MRPS6: variants seen among roughly 807,000 people sequenced by gnomAD.
The protein encoded by MRPS6 is small ribosomal subunit protein bS6m.
Under a neutral mutation model 13.1 loss-of-function variants are expected in MRPS6, and 6 were observed. The ratio of observed to expected loss-of-function variants is 0.46; its 90% CI spans 0.25 to 0.91. MRPS6 has a LOEUF of 0.91. Ranked by LOEUF, MRPS6 falls within the 40% of genes least tolerant of loss-of-function variation. The probability of loss-of-function intolerance (pLI) is 0.18; values close to 1 mark genes in which losing one functional copy is unlikely to be tolerated. For synonymous variants in MRPS6, 61 were observed against 56.5 expected, an observed-to-expected ratio of 1.08 and a Z score of -0.36; for missense variants, 164 against 155.6, an observed-to-expected ratio of 1.05 and a Z score of -0.29.
chr21:34,112,369 C>T (rs543307793), intron 1 of MRPS6, among the ~76,000 whole-genome samples: 5 of 152,226 alleles, frequency 3.3e-5, no homozygotes, highest in South Asian at 2.1e-4. Context: ...GGAATGCGAG[C>T]GATACCTATG....
intron 1 of MRPS6, among the ~76,000 whole-genome samples, chr21:34,076,043 C>T (rs972392810): frequency 6.6e-6 from 1 of 152,160 alleles, no homozygotes; most frequent in Non-Finnish European, 1.5e-5. Flanking sequence ...TAAGTGTATA[C>T]CTCTTTACCC....
intron 1 of MRPS6, among the ~76,000 whole-genome samples, chr21:34,092,182 A>C (rs770403192): frequency 6.6e-6 from 1 of 152,126 alleles, no homozygotes; most frequent in Non-Finnish European, 1.5e-5. Flanking sequence ...AATGTAGTTT[A>C]TCTCTTGAAA....
At chr21:34,117,129 A>G (rs142310824) in intron 1 of MRPS6, among the ~76,000 whole-genome samples, 21 of 152,322 alleles carry the variant, frequency 1.4e-4, no homozygotes, top group East Asian at 1.9e-4. Context: ...ATTTTTACCA[A>G]TAGTGTAGGT....
intron 1 of MRPS6, chr21:34,124,489 T>A (rs540914174): frequency 6.6e-6 from 1 of 152,112 alleles, no homozygotes; most frequent in South Asian, 2.1e-4. Context: ...GATTCTATAT[T>A]GTTCAAGCTT....
intron 1 of MRPS6, among the ~76,000 whole-genome samples, chr21:34,074,147 C>T (rs983114669): frequency 1.3e-5 from 2 of 149,048 alleles, no homozygotes; most frequent in Non-Finnish European, 3.0e-5. Flanking sequence ...CGTGAAGCTG[C>T]CTCGTCGCCG....
At chr21:34,107,042 G>A (rs767321169) in intron 1 of MRPS6, among the ~76,000 whole-genome samples, 3 of 151,928 alleles carry the variant, frequency 2.0e-5, no homozygotes, top group Non-Finnish European at 2.9e-5. Context: ...AGCAATTCTC[G>A]TGCCTCAACC....
chr21:34,122,732 T>C (rs1366266405), intron 1 of MRPS6: 1 of 151,866 alleles, frequency 6.6e-6, no homozygotes, highest in African/African-American at 2.4e-5. Context: ...TTTTTTTGAG[T>C]GCAAAGCTGA....
At chr21:34,124,440 A>C (rs967449904) in intron 1 of MRPS6, 1 of 152,152 alleles carries the variant, frequency 6.6e-6, no homozygotes, top group African/African-American at 2.4e-5. Flanking sequence ...AATTCACCAG[A>C]AAGTTTAATT....
chr21:34,078,998 A>G (rs1044659059), intron 1 of MRPS6, among the ~76,000 whole-genome samples: 1 of 152,222 alleles, frequency 6.6e-6, no homozygotes, highest in African/African-American at 2.4e-5. Flanking sequence ...ATGTCTGGTA[A>G]GTTATCAATT....
At chr21:34,099,292 G>A (rs1979122270) in intron 1 of MRPS6, 1 of 1,000,084 alleles carries the variant, frequency 1.0e-6, no homozygotes, top group African/African-American at 1.7e-5. Context: ...ACATGTCCAA[G>A]GTTATGAAGT....
intron 2 of MRPS6, among the ~76,000 whole-genome samples, chr21:34,133,660 C>T (rs1602965924): frequency 6.6e-6 from 1 of 152,270 alleles, no homozygotes; most frequent in Middle Eastern, 3.4e-3. Context: ...GTCTGGGTTA[C>T]TTGATGGCCA....
At chr21:34,075,179 A>T (rs760037637) in intron 1 of MRPS6, among the ~76,000 whole-genome samples, 10 of 152,232 alleles carry the variant, frequency 6.6e-5, no homozygotes, top group Non-Finnish European at 1.5e-4. Flanking sequence ...GTTTTAGGGA[A>T]TGTGGAACCT....
At chr21:34,112,428 A>G (rs929807935) in intron 1 of MRPS6, among the ~76,000 whole-genome samples, 5 of 152,198 alleles carry the variant, frequency 3.3e-5, no homozygotes, top group Admixed American at 6.5e-5. Flanking sequence ...GATCTTTTCA[A>G]AAAAACAGTT....
intron 1 of MRPS6, chr21:34,099,328 G>A (rs1979124549): frequency 1.0e-6 from 1 of 1,000,056 alleles, no homozygotes; most frequent in African/African-American, 1.7e-5. Context: ...CAGAAACCAG[G>A]TCTCCAAATC....
At chr21:34,105,203 A>G in intron 1 of MRPS6, 1 of 1,000,300 alleles carries the variant, frequency 1.0e-6, no homozygotes, top group Non-Finnish European at 1.2e-6. Context: ...GAGTTCAGAA[A>G]TAGAGCAGGG....
intron 1 of MRPS6, chr21:34,097,511 T>G (rs1979022482): frequency 7.1e-7 from 1 of 1,400,810 alleles, no homozygotes; most frequent in Non-Finnish European, 9.3e-7. Flanking sequence ...GACTTTATTT[T>G]CCCAGAGATG....
At position 34,096,533 on chromosome 21, in the gene MRPS6, A is replaced by G; in HGVS notation, c.45+22788A>G. On this transcript the variant is annotated intron_variant, in intron 1 of 2. Transcript: ENST00000399312. This position sits in a 1 kb window ranked among gnomAD's most constrained non-coding sequence, Gnocchi z 5.9. ...TGTACCTTTACATTCAGGAGGTAGCAGATTACCTGACACCCCCAGTGGCAG... is the reference window on the plus strand; with the variant it reads ...TGTACCTTTACATTCAGGAGGTAGCGGATTACCTGACACCCCCAGTGGCAG... 6.2e-7 allele frequency: 1 copy of G among 1,614,174 alleles called. No individual in the cohort carries two copies. Among genetic ancestry groups the G allele is most frequent in the Middle Eastern group, 1.6e-4 (1 of 6,062 alleles).
At chr21:34,074,897 A>G (rs1359237113) in intron 1 of MRPS6, among the ~76,000 whole-genome samples, 1 of 152,172 alleles carries the variant, frequency 6.6e-6, no homozygotes, top group Admixed American at 6.5e-5. Flanking sequence ...TGTGCTTTGC[A>G]TATTGTTAAC....
At chr21:34,083,531 T>C (rs1242090239) in intron 1 of MRPS6, among the ~76,000 whole-genome samples, 1 of 152,226 alleles carries the variant, frequency 6.6e-6, no homozygotes, top group Non-Finnish European at 1.5e-5. Flanking sequence ...GGTTTTGTTT[T>C]TTAACTGCTT....
Sources: gnomAD v4.1 joint callset for allele counts (sites outside exome capture counted in the v4.1 genomes callset) on GRCh38, gnomAD v4.1.1 for gene constraint, Gnocchi (gnomAD v3.1) non-coding constraint, MANE v1.5 for transcripts, NCBI Gene and HGNC (gene_info 2026-07-23, HGNC 2026-07-21) for gene names.